Variants in RANBP2 observed in about 807,000 individuals in gnomAD.
RANBP2 encodes RAN binding protein 2, also known as E3 SUMO-protein ligase RanBP2.
Under a neutral mutation model 303.6 loss-of-function variants are expected in RANBP2, and 57 were observed. The ratio of observed to expected loss-of-function variants is 0.19; its 90% CI spans 0.15 to 0.23. The LOEUF is 0.23. Ranked by LOEUF, RANBP2 falls within the 10% of genes least tolerant of loss-of-function variation. The pLI, the probability that RANBP2 is intolerant of heterozygous loss-of-function variation, is 1.00. For missense variants in RANBP2, 3,138 were observed against 3,780.8 expected, an observed-to-expected ratio of 0.83 and a Z score of 4.46; for synonymous variants, 1,167 against 1,301.5, an observed-to-expected ratio of 0.90 and a Z score of 2.23.
chr2:109,697,862 T>G, the RANBP2 span, among the ~76,000 whole-genome samples: 2 of 148,464 alleles, frequency 1.3e-5, no homozygotes, highest in East Asian at 2.0e-4. Flanking sequence ...TCTAAAGTTT[T>G]TTTTTTTTTT....
the RANBP2 span, among the ~76,000 whole-genome samples, chr2:109,695,249 C>G: frequency 6.6e-6 from 1 of 152,110 alleles, no homozygotes; most frequent in African/African-American, 2.4e-5. Context: ...TAAAACCCTT[C>G]CAGATAATTC....
chr2:108,949,880 G>A, the RANBP2 span, among the ~76,000 whole-genome samples: 1 of 152,210 alleles, frequency 6.6e-6, no homozygotes, highest in African/African-American at 2.4e-5. Flanking sequence ...CGAGTAATAT[G>A]TCCCTTCCAA....
rs1260344913 is a variant in RANBP2, at chr2:108,771,882, T to C, written c.8020+11T>C. ...AAGAAGAGGAGGATGGTAAAACTTT[T>C]GTTATTTCAAAAATCCTCTGTTCCC... On this transcript the variant is annotated intron_variant, in intron 21 of 28. Coordinates refer to ENST00000283195, the MANE Select transcript of RANBP2 (RefSeq NM_006267.5). The C allele has an allele frequency of 1.2e-6, 2 of 1,613,892 alleles. No individual in the cohort carries two copies. Among genetic ancestry groups the C allele is most frequent in the African/African-American group, 1.3e-5 (1 of 75,046 alleles).
At chr2:109,707,680 G>A in the RANBP2 span, among the ~76,000 whole-genome samples, 1 of 152,178 alleles carries the variant, frequency 6.6e-6, no homozygotes, top group African/African-American at 2.4e-5. Context: ...CTGTTCTGAC[G>A]GGTCAGCGCC....
chr2:109,059,166 G>A, the RANBP2 span, among the ~76,000 whole-genome samples: 2 of 152,174 alleles, frequency 1.3e-5, no homozygotes, highest in Admixed American at 1.3e-4. Flanking sequence ...CAGTCAGGGT[G>A]TAGTTCAGGA....
At chr2:109,320,627 C>T in the RANBP2 span, among the ~76,000 whole-genome samples, 5 of 152,222 alleles carry the variant, frequency 3.3e-5, no homozygotes, top group Non-Finnish European at 7.3e-5. Context: ...AAAATCAGTG[C>T]TGGATTCCAG....
chr2:108,925,079 G>A, the RANBP2 span, among the ~76,000 whole-genome samples: 2 of 152,188 alleles, frequency 1.3e-5, no homozygotes, highest in Non-Finnish European at 2.9e-5. Flanking sequence ...TCCCACCTAG[G>A]GGGATTGGTC....
chr2:109,640,241 C>G, the RANBP2 span, among the ~76,000 whole-genome samples: 1 of 151,840 alleles, frequency 6.6e-6, no homozygotes, highest in Non-Finnish European at 1.5e-5. Flanking sequence ...CACCTGAGGT[C>G]AGGAGTTTGA....
chr2:109,686,902 C>G, the RANBP2 span, among the ~76,000 whole-genome samples: 1 of 152,212 alleles, frequency 6.6e-6, no homozygotes, highest in African/African-American at 2.4e-5. Context: ...TGTGCCTGGT[C>G]AGTTTCAGTA....
the RANBP2 span, among the ~76,000 whole-genome samples, chr2:108,864,655 G>A: frequency 3.0e-4 from 46 of 152,240 alleles, no homozygotes; most frequent in African/African-American, 7.2e-4. Flanking sequence ...AAAGCCAGGC[G>A]TGGTGGCCCA....
At chr2:108,950,013 T>C in the RANBP2 span, among the ~76,000 whole-genome samples, 3 of 152,292 alleles carry the variant, frequency 2.0e-5, no homozygotes, top group South Asian at 2.1e-4. Context: ...GACAAATCAA[T>C]TGTCAGATGG....
At chr2:108,729,863 A>G (rs1486470165) in intron 2 of RANBP2, among the ~76,000 whole-genome samples, 2 of 151,968 alleles carry the variant, frequency 1.3e-5, no homozygotes, top group Non-Finnish European at 2.9e-5. Context: ...GGGGATACAG[A>G]TGCGCACCAC....
the RANBP2 span, among the ~76,000 whole-genome samples, chr2:109,315,437 G>A: frequency 6.6e-6 from 1 of 152,252 alleles, no homozygotes; most frequent in East Asian, 1.9e-4. Flanking sequence ...TTGCAGGGAA[G>A]CAATAGCTTG....
the RANBP2 span, among the ~76,000 whole-genome samples, chr2:109,219,427 C>T: frequency 2.8e-4 from 43 of 151,834 alleles, no homozygotes; most frequent in South Asian, 9.0e-3. Flanking sequence ...CATTTTTATC[C>T]GACATAGAAT....
In RANBP2 at chr2:108,766,126, C is replaced by G. The variant is rs552008587; in HGVS notation, c.5587C>G (p.His1863Asp). 1.2e-6 allele frequency: 2 copies of G among 1,613,730 alleles called. No homozygotes were observed. The highest frequency in any genetic ancestry group is 4.5e-5 in the East Asian group (2 of 44,880). ...TACAGAGCAAGGATTCAAATTTGGG[C>G]ATGTGGATCAAGAAAATTCACCTTC... ...GNTEQGFKFG[H>D]VDQENSPSFM... The change falls in exon 20 of 29, where the codon CAT (histidine) becomes GAT (aspartate). Residue 1863 changes from histidine (H) to aspartate (D), a missense_variant. Physicochemically the swap from His to Asp is moderately conservative, Grantham distance 81. This residue lies in a region of RANBP2 where 348 missense variants were observed against 360.4 expected (regional missense o/e 0.97). Coordinates refer to ENST00000283195, the MANE Select transcript of RANBP2 (RefSeq NM_006267.5).
At chr2:109,212,267 G>A in the RANBP2 span, among the ~76,000 whole-genome samples, 1 of 152,184 alleles carries the variant, frequency 6.6e-6, no homozygotes, top group East Asian at 1.9e-4. Context: ...AAATGAGGCT[G>A]CCCAGAAAAG....
At chr2:109,287,499 G>T in the RANBP2 span, among the ~76,000 whole-genome samples, 1 of 152,194 alleles carries the variant, frequency 6.6e-6, no homozygotes, top group South Asian at 2.1e-4. Context: ...AGAGCACCAG[G>T]TTGGGACACT....
chr2:108,993,117 A>T, the RANBP2 span, among the ~76,000 whole-genome samples: 42 of 152,206 alleles, frequency 2.8e-4, no homozygotes, highest in Non-Finnish European at 4.3e-4. Context: ...TACGGCGGAC[A>T]CCAGCAAGCT....
chr2:108,871,581 A>C, the RANBP2 span, among the ~76,000 whole-genome samples: 4 of 152,056 alleles, frequency 2.6e-5, no homozygotes, highest in Non-Finnish European at 5.9e-5. Context: ...TTCTGTTAAA[A>C]AAGCAAGATA....
Sources: allele counts gnomAD v4.1 joint callset (sites outside exome capture counted in the v4.1 genomes callset), GRCh38; gene constraint gnomAD v4.1.1; regional missense constraint gnomAD v4.1.1; transcripts MANE v1.5; gene names NCBI Gene and HGNC (gene_info 2026-07-23, HGNC 2026-07-21).